FRK: variants seen among roughly 807,000 people sequenced by gnomAD.
FRK encodes the protein fyn related Src family tyrosine kinase, also known as tyrosine-protein kinase FRK.
Under a neutral mutation model 56.4 loss-of-function variants are expected in FRK, and 51 were observed. The ratio of observed to expected loss-of-function variants is 0.90; its 90% CI spans 0.72 to 1.14. The LOEUF is 1.14. Ranked by LOEUF, FRK falls within the 50% of genes most tolerant of loss-of-function variation. The probability of loss-of-function intolerance (pLI) is 0.00; values close to 1 mark genes in which losing one functional copy is unlikely to be tolerated. For missense variants in FRK, 570 were observed against 601.4 expected (o/e 0.95, Z 0.55); for synonymous variants, 245 against 217.9 (o/e 1.12, Z -1.10).
At chr6:116,014,977 C>T (rs768336701) in intron 1 of FRK, among the ~76,000 whole-genome samples, 3 of 152,136 alleles carry the variant, frequency 2.0e-5, no homozygotes, top group Non-Finnish European at 2.9e-5. Flanking sequence ...CTCAGAAATG[C>T]CTGTGAAAGA....
At chr6:116,056,024 C>G (rs1032694496) in intron 1 of FRK, among the ~76,000 whole-genome samples, 1 of 152,122 alleles carries the variant, frequency 6.6e-6, no homozygotes, top group Non-Finnish European at 1.5e-5. Flanking sequence ...GTTGGCGAAG[C>G]AGAAATCATC....
intron 4 of FRK, among the ~76,000 whole-genome samples, chr6:115,957,649 G>A (rs1156792566): frequency 6.6e-6 from 1 of 152,206 alleles, no homozygotes; most frequent in African/African-American, 2.4e-5. Flanking sequence ...GTTTATTAAT[G>A]TGAAGTTGAG....
chr6:116,067,800 A>T, the FRK span, among the ~76,000 whole-genome samples: 1 of 152,194 alleles, frequency 6.6e-6, no homozygotes, highest in African/African-American at 2.4e-5. Flanking sequence ...GCTGAATGAT[A>T]ATGTCTGGCT....
intron 1 of FRK, among the ~76,000 whole-genome samples, chr6:116,007,140 A>C (rs1775274277): frequency 6.6e-6 from 1 of 152,248 alleles, no homozygotes; most frequent in African/African-American, 2.4e-5. Flanking sequence ...AAGTGCATTG[A>C]TTATGCATCA....
At chr6:116,062,592 T>C (rs143021127), upstream of FRK, among the ~76,000 whole-genome samples, 27 of 152,310 alleles carry the variant, frequency 1.8e-4, no homozygotes, top group African/African-American at 5.1e-4. Flanking sequence ...ATACCTTTAC[T>C]ATAGTTATGA....
In FRK at chr6:115,934,764, C is replaced by T. The variant is rs1034017719; in HGVS notation, c.*7650G>A. ...CTCATGGCTTGTTTCATTCCTATTG[C>T]TTTACACTGGAAGATCTTTGAATAT... On this transcript the variant is annotated 3_prime_UTR_variant, in exon 8 of 8. Coordinates refer to ENST00000606080, the MANE Select transcript of FRK (RefSeq NM_002031.3). 3 of 152,128 alleles carry T rather than the reference C, an allele frequency of 2.0e-5. No homozygotes were observed. The highest frequency in any genetic ancestry group is 7.2e-5 in the African/African-American group (3 of 41,420). The allele number at this position is 152,128 out of a possible 1,614,324, so 9.4% of individuals were successfully genotyped here.
intron 1 of FRK, among the ~76,000 whole-genome samples, chr6:116,054,599 T>C (rs1311919643): frequency 6.7e-6 from 1 of 148,228 alleles, no homozygotes; most frequent in Non-Finnish European, 1.5e-5. Flanking sequence ...AATACCTTTT[T>C]ATTTCATTTC....
At chr6:115,965,286 A>G (rs1361385242) in intron 4 of FRK, among the ~76,000 whole-genome samples, 1 of 86,282 alleles carries the variant, frequency 1.2e-5, no homozygotes, top group Non-Finnish European at 2.2e-5. Flanking sequence ...GCAGCCAAAA[A>G]ACACATGAAA....
the FRK span, among the ~76,000 whole-genome samples, chr6:116,077,018 T>A: frequency 6.6e-6 from 1 of 152,196 alleles, no homozygotes; most frequent in Non-Finnish European, 1.5e-5. Flanking sequence ...TCCGAAGTAT[T>A]CATATATCAG....
At chr6:115,960,494 G>C (rs1773310436) in intron 4 of FRK, among the ~76,000 whole-genome samples, 3 of 150,010 alleles carry the variant, frequency 2.0e-5, no homozygotes, top group Non-Finnish European at 3.0e-5. Flanking sequence ...GCCCAGGCTT[G>C]CTTAGGTAAA....
chr6:115,940,678 C>T lies in FRK; in HGVS notation c.*1736G>A, dbSNP rs1772140269. The T allele has an allele frequency of 6.6e-6, 1 of 152,110 alleles. No homozygotes were observed. The highest frequency in any genetic ancestry group is 1.5e-5 in the Non-Finnish European group (1 of 68,016). 9.4% of individuals were successfully genotyped at this position (152,110 alleles called of 1,614,324 possible). A position where few individuals can be genotyped will look rare whatever the true frequency, so the allele number is the denominator to read the frequency against. ...TCAAAAAGTGGGCGAAGGATTTGAACAGACACATTTCAAAAGAAGATATTT... is the reference window on the plus strand; with the variant it reads ...TCAAAAAGTGGGCGAAGGATTTGAATAGACACATTTCAAAAGAAGATATTT... On this transcript the variant is annotated 3_prime_UTR_variant, in exon 8 of 8. Coordinates refer to ENST00000606080, the MANE Select transcript of FRK (RefSeq NM_002031.3).
At chr6:115,960,612 A>T (rs1364956009) in intron 4 of FRK, among the ~76,000 whole-genome samples, 3 of 103,362 alleles carry the variant, frequency 2.9e-5, no homozygotes, top group Non-Finnish European at 2.0e-5. Flanking sequence ...AAACAAAAAG[A>T]CAGCAGTAAC....
At chr6:116,041,315 A>T (rs1776701575) in intron 1 of FRK, among the ~76,000 whole-genome samples, 2 of 152,308 alleles carry the variant, frequency 1.3e-5, no homozygotes, top group East Asian at 3.9e-4. Context: ...ACAGAGGAAT[A>T]CTCTATAACC....
At chr6:116,090,940 C>T in the FRK span, among the ~76,000 whole-genome samples, 2 of 152,210 alleles carry the variant, frequency 1.3e-5, no homozygotes, top group Non-Finnish European at 2.9e-5. Context: ...CAAAACTTAA[C>T]ATTTAATTAA....
the FRK span, among the ~76,000 whole-genome samples, chr6:116,088,227 C>G: frequency 6.6e-6 from 1 of 152,226 alleles, no homozygotes; most frequent in African/African-American, 2.4e-5. Context: ...CACCTGCAGC[C>G]AAGTCCTTGT....
rs768432524 is a variant in FRK, at chr6:115,932,200, A to G, written c.*10214T>C. ...CTACTTTGTTCTCCAGTATATTTCT[A>G]AATTTCATAAATAACTTGAGAGGCC... On this transcript the variant is annotated 3_prime_UTR_variant, in exon 8 of 8. Coordinates refer to ENST00000606080, the MANE Select transcript of FRK (RefSeq NM_002031.3). 9 of 152,204 alleles carry G rather than the reference A, an allele frequency of 5.9e-5. No homozygotes were observed. The highest frequency in any genetic ancestry group is 1.3e-4 in the Admixed American group (2 of 15,270). The allele number at this position is 152,204 out of a possible 1,614,324, so 9.4% of individuals were successfully genotyped here.
At chr6:116,099,943 G>A in the FRK span, among the ~76,000 whole-genome samples, 2 of 152,266 alleles carry the variant, frequency 1.3e-5, no homozygotes, top group African/African-American at 2.4e-5. Context: ...CTTCACATCC[G>A]GAAATCAGGA....
intron 2 of FRK, among the ~76,000 whole-genome samples, chr6:115,981,249 T>C (rs146739385): frequency 4.6e-5 from 7 of 152,150 alleles, no homozygotes; most frequent in African/African-American, 1.2e-4. Context: ...TCTTATTCTA[T>C]TAATGAAAAA....
At chr6:116,071,342 T>A in the FRK span, among the ~76,000 whole-genome samples, 3 of 152,206 alleles carry the variant, frequency 2.0e-5, no homozygotes, top group Non-Finnish European at 4.4e-5. Flanking sequence ...GTACACATTT[T>A]CACACCTTCA....
Sources: gnomAD v4.1 joint callset for allele counts (sites outside exome capture counted in the v4.1 genomes callset) on GRCh38, gnomAD v4.1.1 for gene constraint, MANE v1.5 for transcripts, NCBI Gene and HGNC (gene_info 2026-07-23, HGNC 2026-07-21) for gene names.